STARD13: variants seen among roughly 807,000 people sequenced by gnomAD.
STARD13 encodes the protein StAR related lipid transfer domain containing 13, also known as stAR-related lipid transfer protein 13.
In STARD13, 62 loss-of-function variants were observed where a neutral mutation model predicts 106.4. That is an observed-to-expected ratio of 0.58 (90% CI 0.48 to 0.72). The LOEUF (loss-of-function observed/expected upper bound fraction) is 0.72. STARD13 is among the 30% of genes least tolerant of loss of function. STARD13 has a pLI of 0.00. For synonymous variants in STARD13, 565 were observed against 553.0 expected (o/e 1.02, Z -0.31); for missense variants, 1,387 against 1,424.0 (o/e 0.97, Z 0.42).
At chr13:33,565,381 GATAA>G in the STARD13 span, among the ~76,000 whole-genome samples, 1 of 147,100 alleles carries the variant, frequency 6.8e-6, no homozygotes, top group East Asian at 2.0e-4. Flanking sequence ...TATTTAAGGT[GATAA>G]ATAATTACCC....
the STARD13 span, among the ~76,000 whole-genome samples, chr13:33,402,942 G>A: frequency 3.3e-5 from 5 of 152,190 alleles, no homozygotes; most frequent in Admixed American, 6.5e-5. Context: ...TGTGTGAACC[G>A]ATTCTTCTGG....
At chr13:33,499,525 CTTCTTCT>C in the STARD13 span, among the ~76,000 whole-genome samples, 5 of 36,172 alleles carry the variant, frequency 1.4e-4, no homozygotes, top group Admixed American at 1.2e-3. Context: ...TTTCTTTCTT[CTTCTTCT>C]TCTTCTTCTT....
At chr13:33,512,593 G>A in the STARD13 span, among the ~76,000 whole-genome samples, 1 of 152,034 alleles carries the variant, frequency 6.6e-6, no homozygotes, top group East Asian at 1.9e-4. Flanking sequence ...TCAGCCTCCC[G>A]AGTAGTTGGG....
At chr13:33,642,687 T>C in the STARD13 span, among the ~76,000 whole-genome samples, 1 of 152,052 alleles carries the variant, frequency 6.6e-6, no homozygotes, top group Admixed American at 6.6e-5. Context: ...ACACAGTCAG[T>C]AAATGGCGCA....
intron 1 of STARD13, among the ~76,000 whole-genome samples, chr13:33,244,394 C>T (rs1288242596): frequency 2.6e-5 from 4 of 152,086 alleles, no homozygotes; most frequent in Non-Finnish European, 5.9e-5. Flanking sequence ...CTTTCACCAC[C>T]TGTCACCTCT....
chr13:33,596,259 A>G, the STARD13 span, among the ~76,000 whole-genome samples: 1 of 152,342 alleles, frequency 6.6e-6, no homozygotes, highest in East Asian at 1.9e-4. Context: ...GAAACGCCCC[A>G]AGTGAAAGGG....
intron 1 of STARD13, among the ~76,000 whole-genome samples, chr13:33,259,455 G>A (rs1890527731): frequency 1.3e-5 from 2 of 152,148 alleles, no homozygotes; most frequent in African/African-American, 4.8e-5. Flanking sequence ...CTTCACACTG[G>A]CTTTGGTGTC....
At chr13:33,377,584 C>T in the STARD13 span, among the ~76,000 whole-genome samples, 2 of 151,426 alleles carry the variant, frequency 1.3e-5, no homozygotes, top group Non-Finnish European at 2.9e-5. Context: ...AAATTATTCT[C>T]CCCCACCCCC....
intron 1 of STARD13, among the ~76,000 whole-genome samples, chr13:33,307,568 C>T (rs1892958035): frequency 6.6e-6 from 1 of 152,096 alleles, no homozygotes; most frequent in African/African-American, 2.4e-5. Flanking sequence ...AACAGAAAAC[C>T]AAACAAGCAT....
intron 1 of STARD13, among the ~76,000 whole-genome samples, chr13:33,187,760 G>C (rs1255190235): frequency 6.6e-6 from 1 of 152,152 alleles, no homozygotes; most frequent in Admixed American, 6.5e-5. Context: ...TCAGCTCACT[G>C]TAACCTCCGC....
At chr13:33,627,620 G>C in the STARD13 span, among the ~76,000 whole-genome samples, 1 of 149,726 alleles carries the variant, frequency 6.7e-6, no homozygotes, top group Non-Finnish European at 1.5e-5. Context: ...CTGGGTGACA[G>C]AGCAAGACTC....
the STARD13 span, among the ~76,000 whole-genome samples, chr13:33,596,845 T>A: frequency 6.6e-6 from 1 of 152,228 alleles, no homozygotes; most frequent in Non-Finnish European, 1.5e-5. Context: ...GTTCCAACCA[T>A]GTTCCTGCAA....
At position 33,177,631 on chromosome 13, in the gene STARD13, T is replaced by C. The variant is rs190196727; in HGVS notation, c.170-10009A>G. ...CAAATGAAGGCACTATGCTTATTAT[T>C]TGAAAATCAAATAAATGATTTCAAT... On this transcript the variant is annotated intron_variant, in intron 1 of 13. Transcript: ENST00000336934. Among the ~76,000 whole-genome samples, 972 of 151,972 alleles carry C rather than the reference T, an allele frequency of 6.4e-3. 11 individuals carry two copies. The highest frequency in any genetic ancestry group is 0.022 in the African/African-American group (915 of 41,398).
the STARD13 span, among the ~76,000 whole-genome samples, chr13:33,628,330 G>T: frequency 4.6e-5 from 7 of 152,170 alleles, no homozygotes; most frequent in East Asian, 1.3e-3. Flanking sequence ...TTAATAACAA[G>T]CCTGGTCACT....
chr13:33,121,505 T>A (rs1876297355), intron 7 of STARD13, among the ~76,000 whole-genome samples: 1 of 150,874 alleles, frequency 6.6e-6, no homozygotes, highest in Non-Finnish European at 1.5e-5. Flanking sequence ...GAGGCAGAGG[T>A]TGCAGTGAGC....
the STARD13 span, among the ~76,000 whole-genome samples, chr13:33,434,289 G>T: frequency 7.1e-6 from 1 of 140,536 alleles, no homozygotes; most frequent in African/African-American, 2.7e-5. Flanking sequence ...GGGGGTGGAG[G>T]TTGCAGTGAA....
upstream of STARD13, among the ~76,000 whole-genome samples, chr13:33,352,970 T>G (rs1417645573): frequency 6.6e-6 from 1 of 152,198 alleles, no homozygotes; most frequent in Non-Finnish European, 1.5e-5. Flanking sequence ...CCTACCTACC[T>G]TCTTGCTTAC....
At chr13:33,584,429 C>A in the STARD13 span, among the ~76,000 whole-genome samples, 2 of 151,626 alleles carry the variant, frequency 1.3e-5, no homozygotes, top group Non-Finnish European at 2.9e-5. Flanking sequence ...CATGATAATT[C>A]ACTCCCTATC....
At chr13:33,482,111 C>G in the STARD13 span, among the ~76,000 whole-genome samples, 7 of 151,966 alleles carry the variant, frequency 4.6e-5, no homozygotes, top group Admixed American at 3.9e-4. Context: ...ATGTCCTTAT[C>G]TTTTAGAGAT....
Sources: allele counts gnomAD v4.1 joint callset (sites outside exome capture counted in the v4.1 genomes callset), GRCh38; gene constraint gnomAD v4.1.1; transcripts MANE v1.5; gene names NCBI Gene and HGNC (gene_info 2026-07-23, HGNC 2026-07-21).